Variants in PTPRD observed in about 807,000 individuals in gnomAD.
PTPRD encodes receptor-type tyrosine-protein phosphatase delta.
In PTPRD, 34 loss-of-function variants were observed where a neutral mutation model predicts 214.5. The ratio of observed to expected loss-of-function variants is 0.16; its 90% confidence interval spans 0.12 to 0.21. The LOEUF is 0.21. PTPRD is among the 10% of genes least tolerant of loss of function. PTPRD has a pLI of 1.00. For missense variants in PTPRD, 2,545 were observed against 2,398.7 expected (o/e 1.06, Z -1.27); for synonymous variants, 1,128 against 845.7 (o/e 1.33, Z -5.79).
chr9:9,352,270 G>C (rs1017556391), intron 9 of PTPRD, among the ~76,000 whole-genome samples: 1 of 150,052 alleles, frequency 6.7e-6, no homozygotes, highest in Admixed American at 6.7e-5. Context: ...TGGAAATTTA[G>C]GTTGATAGCT....
intron 36 of PTPRD, among the ~76,000 whole-genome samples, chr9:8,396,515 A>C (rs552891943): frequency 6.6e-6 from 1 of 152,004 alleles, no homozygotes; most frequent in African/African-American, 2.4e-5. Context: ...ATGTACAATT[A>C]AAAAAAACAA....
intron 3 of PTPRD, among the ~76,000 whole-genome samples, chr9:10,044,582 C>A (rs1274950561): frequency 1.3e-5 from 2 of 151,746 alleles, no homozygotes; most frequent in African/African-American, 4.8e-5. Context: ...TTTTTCATTT[C>A]TCAGTGTTCT....
intron 12 of PTPRD, among the ~76,000 whole-genome samples, chr9:8,671,914 T>C (rs1341058065): frequency 1.3e-5 from 2 of 152,288 alleles, no homozygotes; most frequent in African/African-American, 4.8e-5. Context: ...AGTAACTAAA[T>C]GTTGGAAAAG....
intron 26 of PTPRD, among the ~76,000 whole-genome samples, chr9:8,493,821 A>G (rs529085890): frequency 6.6e-6 from 1 of 152,292 alleles, no homozygotes; most frequent in East Asian, 1.9e-4. Context: ...TCAGGGCCCA[A>G]AGCTGTGGTG....
chr9:10,115,109 G>T (rs2154240409), intron 3 of PTPRD, among the ~76,000 whole-genome samples: 1 of 151,758 alleles, frequency 6.6e-6, no homozygotes, highest in South Asian at 2.1e-4. Context: ...TTAGGTCAAT[G>T]CCTATTACAG....
At chr9:10,550,671 G>C (rs552309368) in intron 2 of PTPRD, among the ~76,000 whole-genome samples, 1 of 152,208 alleles carries the variant, frequency 6.6e-6, no homozygotes, top group Non-Finnish European at 1.5e-5. Flanking sequence ...GGAGCTGAGA[G>C]AGTGTGTTTT....
chr9:8,993,527 A>G (rs1193080278), intron 11 of PTPRD, among the ~76,000 whole-genome samples: 1 of 152,148 alleles, frequency 6.6e-6, no homozygotes, highest in Non-Finnish European at 1.5e-5. Context: ...AGTCTGAGCA[A>G]TATGAGCCAT....
intron 5 of PTPRD, among the ~76,000 whole-genome samples, chr9:9,778,877 A>G (rs2098820596): frequency 6.6e-6 from 1 of 151,914 alleles, no homozygotes; most frequent in Non-Finnish European, 1.5e-5. Context: ...TTTATATGGA[A>G]CCATAAAGAA....
intron 4 of PTPRD, among the ~76,000 whole-genome samples, chr9:10,011,276 A>T (rs1174849858): frequency 6.6e-6 from 1 of 151,934 alleles, no homozygotes; most frequent in Non-Finnish European, 1.5e-5. Context: ...AAAGCATTGA[A>T]TTGTAAAATA....
chr9:10,529,479 A>C (rs1313036514), intron 2 of PTPRD, among the ~76,000 whole-genome samples: 2 of 151,790 alleles, frequency 1.3e-5, no homozygotes, highest in Non-Finnish European at 2.9e-5. Flanking sequence ...ACAGAAAACC[A>C]AGCACTGCAT....
At position 10,323,447 on chromosome 9, in the gene PTPRD, A is replaced by G. The variant is rs565016171; in HGVS notation, c.-545+17516T>C. ...GTAGCTTGGACTGCAGGTGCAATCCACTATGCCTGGCTAATTTTGTTTATT... is the reference window on the plus strand; with the variant it reads ...GTAGCTTGGACTGCAGGTGCAATCCGCTATGCCTGGCTAATTTTGTTTATT... On this transcript the variant is annotated intron_variant, in intron 3 of 45. Coordinates refer to ENST00000381196, the MANE Select transcript of PTPRD (RefSeq NM_002839.4). Among the ~76,000 whole-genome samples, 98 of 150,942 alleles carry G rather than the reference A, an allele frequency of 6.5e-4. 1 individual carries two copies. The highest frequency in any genetic ancestry group is 1.8e-3 in the African/African-American group (75 of 41,086).
chr9:8,516,798 C>CTTTTTTTTTTTTTTTTTTTTTTTT (rs71500960), intron 21 of PTPRD, among the ~76,000 whole-genome samples: 1 of 107,890 alleles, frequency 9.3e-6, no homozygotes. Context: ...CAAGAATAAA[C>CTTTTTTTTTTTTTTTTTTTTTTTT]TTTTTTTTTT....
intron 9 of PTPRD, among the ~76,000 whole-genome samples, chr9:9,282,956 G>A (rs1400587610): frequency 6.6e-6 from 1 of 151,304 alleles, no homozygotes; most frequent in Non-Finnish European, 1.5e-5. Flanking sequence ...CCAAATCTAG[G>A]TATGAAGAAA....
intron 10 of PTPRD, among the ~76,000 whole-genome samples, chr9:9,137,520 A>G (rs973466514): frequency 2.0e-5 from 3 of 152,196 alleles, no homozygotes; most frequent in African/African-American, 7.2e-5. Flanking sequence ...TAATATCTCC[A>G]AAGTTATAAA....
chr9:10,494,110 T>A (rs955117949), intron 2 of PTPRD, among the ~76,000 whole-genome samples: 3 of 151,980 alleles, frequency 2.0e-5, no homozygotes, highest in Admixed American at 2.0e-4. Context: ...CTGTGATTTA[T>A]ACCTCCAACT....
intron 8 of PTPRD, among the ~76,000 whole-genome samples, chr9:9,483,759 A>C (rs768830086): frequency 2.6e-5 from 4 of 151,968 alleles, no homozygotes; most frequent in African/African-American, 2.4e-5. Flanking sequence ...TACAGAAAAC[A>C]AAGAAAGTAA....
chr9:9,465,642 C>CT (rs2094084116), intron 8 of PTPRD, among the ~76,000 whole-genome samples: 1 of 152,204 alleles, frequency 6.6e-6, no homozygotes, highest in Admixed American at 6.5e-5. Flanking sequence ...TCTCTTCCAT[C>CT]TTTTTGCCTT....
At chr9:10,269,273 G>A (rs1054149750) in intron 3 of PTPRD, among the ~76,000 whole-genome samples, 2 of 152,168 alleles carry the variant, frequency 1.3e-5, no homozygotes, top group African/African-American at 4.8e-5. Flanking sequence ...TTTGATCCAC[G>A]TAAGAGGACA....
rs1433244854 is a variant in PTPRD at position 9,895,470 on chromosome 9, ATTAT to A, written c.-368+43033_-368+43036del. On this transcript the variant is annotated intron_variant, in intron 5 of 45. Coordinates refer to ENST00000381196, the MANE Select transcript of PTPRD (RefSeq NM_002839.4). ...TTTTAAAATTTTTGCTGTTATAATG[ATTAT>A]TTAAATTTTTAAGTAATTTTTCAAA... Among the ~76,000 whole-genome samples, 45 of 151,932 alleles carry A rather than the reference ATTAT, an allele frequency of 3.0e-4. 1 individual carries two copies. The highest frequency in any genetic ancestry group is 7.2e-4 in the Admixed American group (11 of 15,202).
Sources: gnomAD v4.1 joint callset for allele counts (sites outside exome capture counted in the v4.1 genomes callset) on GRCh38, gnomAD v4.1.1 for gene constraint, MANE v1.5 for transcripts, NCBI Gene and HGNC (gene_info 2026-07-23, HGNC 2026-07-21) for gene names.